The following TBL1X variants were observed in gnomAD, a reference collection of about 807,000 sequenced individuals.
The protein encoded by TBL1X is F-box-like/WD repeat-containing protein TBL1X.
TBL1X carries 10 observed loss-of-function variants against 50.7 expected under a neutral mutation model. The observed-to-expected ratio is 0.20, with a 90% CI of 0.12 to 0.33. The LOEUF is 0.33. TBL1X is among the 10% of genes least tolerant of loss of function. TBL1X has a pLI of 1.00. For synonymous variants in TBL1X, 190 were observed against 214.7 expected, an observed-to-expected ratio of 0.88 and a Z score of 1.01; for missense variants, 340 against 504.4, an observed-to-expected ratio of 0.67 and a Z score of 3.12.
chrX:9,657,112 C>A (rs181523657), intron 5 of TBL1X, among the ~76,000 whole-genome samples: 35 of 112,223 alleles, frequency 3.1e-4, no homozygotes, highest in Admixed American at 5.6e-4. Flanking sequence ...GTTCCCAGAT[C>A]CACTGATCTT....
At chrX:9,554,419 G>A (rs1474127630) in intron 2 of TBL1X, among the ~76,000 whole-genome samples, 2 of 112,138 alleles carry the variant, frequency 1.8e-5, no homozygotes, top group South Asian at 3.6e-4. Flanking sequence ...TCACAAACTG[G>A]CTGAAAATCA....
intron 1 of TBL1X, among the ~76,000 whole-genome samples, chrX:9,485,356 T>C (rs1189189135): frequency 8.9e-6 from 1 of 112,492 alleles, no homozygotes; most frequent in Non-Finnish European, 1.9e-5. Context: ...CATGTAATGT[T>C]GCTTATGGTT....
chrX:9,473,959 A>T (rs1056674365), intron 1 of TBL1X, among the ~76,000 whole-genome samples: 2 of 112,475 alleles, frequency 1.8e-5, no homozygotes, highest in Non-Finnish European at 3.8e-5. Flanking sequence ...GCTCTGTTAA[A>T]TTTTATGGGA....
At chrX:9,632,550 T>C (rs2082726957) in intron 2 of TBL1X, among the ~76,000 whole-genome samples, 1 of 112,062 alleles carries the variant, frequency 8.9e-6, no homozygotes, top group Non-Finnish European at 1.9e-5. Flanking sequence ...CCCAAAGTGC[T>C]GGGATTACAG....
At chrX:9,513,394 C>T (rs2082066567) in intron 2 of TBL1X, among the ~76,000 whole-genome samples, 1 of 110,869 alleles carries the variant, frequency 9.0e-6, no homozygotes, top group African/African-American at 3.3e-5. Flanking sequence ...GGATCTGCTT[C>T]CCGACTGGGG....
At chrX:9,591,301 C>T (rs1485788104) in intron 2 of TBL1X, among the ~76,000 whole-genome samples, 3 of 111,818 alleles carry the variant, frequency 2.7e-5, no homozygotes, top group Non-Finnish European at 5.6e-5. Flanking sequence ...TGATGATGTT[C>T]TCTTCTGTCA....
intron 2 of TBL1X, among the ~76,000 whole-genome samples, chrX:9,536,041 G>A (rs181678904): frequency 8.9e-6 from 1 of 111,810 alleles, no homozygotes; most frequent in African/African-American, 3.2e-5. Context: ...AGAAGCACAC[G>A]GTTGTGCTGT....
At chrX:9,686,782 T>G (rs184505604) in intron 6 of TBL1X, among the ~76,000 whole-genome samples, 2 of 112,250 alleles carry the variant, frequency 1.8e-5, no homozygotes, top group Admixed American at 9.4e-5. Flanking sequence ...CGTTTTGTCA[T>G]GGGCTTGTTC....
chrX:9,662,287 A>G (rs778689041), intron 5 of TBL1X, among the ~76,000 whole-genome samples: 3 of 111,661 alleles, frequency 2.7e-5, no homozygotes, highest in Non-Finnish European at 5.6e-5. Context: ...TGTCCTTTAG[A>G]ACACCTCAGC....
At chrX:9,646,942 GC>G (rs2082807955) in intron 3 of TBL1X, among the ~76,000 whole-genome samples, 1 of 111,731 alleles carries the variant, frequency 9.0e-6, no homozygotes, top group Non-Finnish European at 1.9e-5. Context: ...AAACGAACTT[GC>G]CCTTTCTGTC....
chrX:9,621,245 A>C (rs1414377288), intron 2 of TBL1X, among the ~76,000 whole-genome samples: 1 of 111,557 alleles, frequency 9.0e-6, no homozygotes, highest in Admixed American at 9.5e-5. Flanking sequence ...CGTTCACTGG[A>C]GAGACCCATG....
rs776011541 is a variant in TBL1X, at chrX:9,555,497, T to C, written c.-131+53648T>C. On this transcript the variant is annotated intron_variant, in intron 2 of 17. Transcript: ENST00000645353. ...TTTTTGCTGTTATAAATAAAGCTGCTGTGAGCCCTCGTGTACAGGTGTTTA... is the reference window on the plus strand; with the variant it reads ...TTTTTGCTGTTATAAATAAAGCTGCCGTGAGCCCTCGTGTACAGGTGTTTA... 1.2e-4 allele frequency among the ~76,000 whole-genome samples: 13 copies of C among 112,088 alleles called. No individual in the cohort carries two copies. In the South Asian group the frequency reaches 4.8e-3, roughly 42 times the overall value.
rs185169553 is a variant in TBL1X, at chrX:9,613,943, G to A, written c.-130-26330G>A. ...GGAGGTTGCAGTGAGCTGAGATTGC[G>A]CCACTGCACTCCAGCCTGGGCGACA... On this transcript the variant is annotated intron_variant, in intron 2 of 17. Coordinates refer to ENST00000645353, the MANE Select transcript of TBL1X (RefSeq NM_005647.4). 8.5e-3 allele frequency among the ~76,000 whole-genome samples: 779 copies of A among 91,241 alleles called. 8 individuals are homozygous for A. Among genetic ancestry groups the A allele is most frequent in the African/African-American group, 0.033 (749 of 22,498 alleles). The allele number at this position is 91,241 out of a possible 115,157, so 79.2% of individuals were successfully genotyped here.
intron 2 of TBL1X, among the ~76,000 whole-genome samples, chrX:9,594,262 A>C (rs1445972305): frequency 8.9e-6 from 1 of 112,614 alleles, no homozygotes; most frequent in Non-Finnish European, 1.9e-5. Flanking sequence ...AATATACCTC[A>C]AACAGTTTTT....
At chrX:9,506,197 G>A (rs1247211899) in intron 2 of TBL1X, among the ~76,000 whole-genome samples, 2 of 111,941 alleles carry the variant, frequency 1.8e-5, no homozygotes, top group Non-Finnish European at 3.8e-5. Flanking sequence ...GCTCCTGGAT[G>A]ACTCCTGGGT....
chrX:9,510,473 G>A (rs1488164759), intron 2 of TBL1X, among the ~76,000 whole-genome samples: 1 of 112,258 alleles, frequency 8.9e-6, no homozygotes, highest in African/African-American at 3.2e-5. Context: ...ACTGGCATCT[G>A]TCTGAAGGAT....
At chrX:9,706,577 A>G (rs113706128) in intron 13 of TBL1X, among the ~76,000 whole-genome samples, 6 of 111,257 alleles carry the variant, frequency 5.4e-5, no homozygotes, top group African/African-American at 9.8e-5. Context: ...TGACAAATCC[A>G]TTATATACCA....
intron 2 of TBL1X, among the ~76,000 whole-genome samples, chrX:9,599,326 T>C (rs1194763641): frequency 8.9e-6 from 1 of 111,980 alleles, no homozygotes; most frequent in Non-Finnish European, 1.9e-5. Context: ...AGACCCTATT[T>C]CCCAATAAGA....
intron 1 of TBL1X, among the ~76,000 whole-genome samples, chrX:9,484,157 A>C (rs1472579758): frequency 9.1e-6 from 1 of 109,798 alleles, no homozygotes; most frequent in African/African-American, 3.3e-5. Context: ...GGCGCATGCC[A>C]CCACACCCGG....
Sources: allele counts gnomAD v4.1 joint callset (sites outside exome capture counted in the v4.1 genomes callset), GRCh38; gene constraint gnomAD v4.1.1; transcripts MANE v1.5; gene names NCBI Gene and HGNC (gene_info 2026-07-23, HGNC 2026-07-21).